The following CUX2 variants were observed in gnomAD, a reference collection of about 807,000 sequenced individuals.
CUX2 encodes the protein cut like homeobox 2, also known as homeobox protein cut-like 2.
In CUX2, 40 loss-of-function variants were observed where a neutral mutation model predicts 144.8. The observed-to-expected ratio is 0.28, with a 90% CI of 0.21 to 0.36. The LOEUF (loss-of-function observed/expected upper bound fraction) is 0.36. CUX2 is among the 10% of genes least tolerant of loss of function. The pLI is 1.00. For synonymous variants in CUX2, 827 were observed against 875.6 expected (o/e 0.94, Z 0.98); for missense variants, 1,615 against 1,994.0 (o/e 0.81, Z 3.62).
chr12:111,081,139 T>G (rs1464317348), intron 1 of CUX2, among the ~76,000 whole-genome samples: 1 of 152,170 alleles, frequency 6.6e-6, no homozygotes, highest in East Asian at 1.9e-4. Flanking sequence ...CGTTTCCGAT[T>G]GACTGCTGCA....
At chr12:111,161,958 A>C (rs556752142) in intron 1 of CUX2, among the ~76,000 whole-genome samples, 3 of 152,004 alleles carry the variant, frequency 2.0e-5, no homozygotes. Context: ...GTGGTCTCGA[A>C]CTCCTGGGCT....
chr12:111,115,279 C>CTTTTTTT (rs869307048), intron 1 of CUX2, among the ~76,000 whole-genome samples: 22 of 88,752 alleles, frequency 2.5e-4, no homozygotes, highest in East Asian at 7.4e-4. Flanking sequence ...AATAAAATTT[C>CTTTTTTT]TTTTTTTTTT....
At chr12:111,110,252 C>A (rs1415455014) in intron 1 of CUX2, among the ~76,000 whole-genome samples, 1 of 152,054 alleles carries the variant, frequency 6.6e-6, no homozygotes, top group East Asian at 1.9e-4. Flanking sequence ...CCATCCATCC[C>A]CAGTTGGATG....
intron 18 of CUX2, among the ~76,000 whole-genome samples, chr12:111,330,321 T>C (rs1219236617): frequency 6.6e-6 from 1 of 152,168 alleles, no homozygotes; most frequent in Admixed American, 6.5e-5. Context: ...GGGACTCACC[T>C]GTGACTAACT....
intron 3 of CUX2, among the ~76,000 whole-genome samples, chr12:111,243,064 T>C (rs1467551981): frequency 6.6e-6 from 1 of 152,198 alleles, no homozygotes; most frequent in African/African-American, 2.4e-5. Context: ...TAGTATTCCA[T>C]GGTGTATATG....
intron 18 of CUX2, among the ~76,000 whole-genome samples, chr12:111,323,466 T>C (rs940776812): frequency 1.3e-5 from 2 of 152,176 alleles, no homozygotes; most frequent in African/African-American, 4.8e-5. Context: ...CTGGTGTAGC[T>C]GTATGGCTGC....
intron 1 of CUX2, among the ~76,000 whole-genome samples, chr12:111,203,406 G>A (rs572748343): frequency 4.6e-5 from 7 of 151,928 alleles, no homozygotes; most frequent in Non-Finnish European, 7.4e-5. Flanking sequence ...TTAGTTGCAC[G>A]TGGTGGAGCA....
intron 1 of CUX2, among the ~76,000 whole-genome samples, chr12:111,111,851 T>TA (rs10558854): frequency 0.012 from 1,717 of 148,906 alleles, 24 homozygotes; most frequent in African/African-American, 0.039. Context: ...AATTTGCCTT[T>TA]AAAAAAAAAA....
intron 1 of CUX2, among the ~76,000 whole-genome samples, chr12:111,097,936 A>C (rs1042614659): frequency 2.6e-5 from 4 of 152,170 alleles, no homozygotes; most frequent in Non-Finnish European, 5.9e-5. Context: ...AGGCCACCAC[A>C]TGGAGTTTGG....
Position 111,348,566 on chromosome 12 carries a change from G to T in CUX2, c.*241G>T. 2 of 454,864 alleles carry T rather than the reference G, an allele frequency of 4.4e-6. No homozygotes were observed. Among genetic ancestry groups the T allele is most frequent in the South Asian group, 5.0e-5 (1 of 20,068 alleles). The allele number at this position is 454,864 out of a possible 1,614,324, so 28.2% of individuals were successfully genotyped here. On this transcript the variant is annotated 3_prime_UTR_variant, in exon 22 of 22. Coordinates refer to ENST00000261726, the MANE Select transcript of CUX2 (RefSeq NM_015267.4). ...TGCTCCTCTTCACCCTGACCCCTCTGCAGGAGGCAGAAGCAAAATGGCACC... is the reference window on the plus strand; with the variant it reads ...TGCTCCTCTTCACCCTGACCCCTCTTCAGGAGGCAGAAGCAAAATGGCACC...
chr12:111,332,404 A>G (rs1289205798), intron 18 of CUX2, among the ~76,000 whole-genome samples: 1 of 151,988 alleles, frequency 6.6e-6, no homozygotes, highest in African/African-American at 2.4e-5. Flanking sequence ...AATTGCTGGG[A>G]TTATGGGCAT....
intron 1 of CUX2, among the ~76,000 whole-genome samples, chr12:111,153,527 A>G (rs1332393201): frequency 6.6e-6 from 1 of 152,194 alleles, no homozygotes; most frequent in Non-Finnish European, 1.5e-5. Context: ...ACTTGTGGTA[A>G]GGATTTGAGT....
intron 3 of CUX2, among the ~76,000 whole-genome samples, chr12:111,235,772 C>T (rs575607351): frequency 1.3e-5 from 2 of 150,202 alleles, no homozygotes; most frequent in Non-Finnish European, 3.0e-5. Context: ...CCTGGGACAG[C>T]GACAGAGGAG....
intron 1 of CUX2, among the ~76,000 whole-genome samples, chr12:111,192,347 C>G (rs1483743650): frequency 1.3e-5 from 2 of 152,032 alleles, no homozygotes; most frequent in African/African-American, 4.8e-5. Context: ...CCAGGCTGGT[C>G]TCGAACTCCT....
At chr12:111,239,316 A>G (rs1298728398) in intron 3 of CUX2, among the ~76,000 whole-genome samples, 1 of 152,244 alleles carries the variant, frequency 6.6e-6, no homozygotes, top group Non-Finnish European at 1.5e-5. Flanking sequence ...TCAGAGGCCA[A>G]GCTGACATTA....
chr12:111,170,845 G>C (rs964995776), intron 1 of CUX2, among the ~76,000 whole-genome samples: 3 of 152,068 alleles, frequency 2.0e-5, no homozygotes, highest in African/African-American at 7.2e-5. Context: ...CCCTGACCTC[G>C]GGCCCAGCGT....
intron 1 of CUX2, among the ~76,000 whole-genome samples, chr12:111,064,169 T>C (rs1402315030): frequency 6.6e-6 from 1 of 152,158 alleles, no homozygotes; most frequent in Non-Finnish European, 1.5e-5. Context: ...TCCAAGCTTG[T>C]AGAGACAAAT....
At position 111,312,339 on chromosome 12, in the gene CUX2, T is replaced by C; in HGVS notation, c.2002+138T>C. ...CCACCAGAGGCCAGAGGGACCTGTC[T>C]AGAGCGCATGGGTAGCTGTGGCACT... On this transcript the variant is annotated intron_variant, in intron 16 of 21. Coordinates refer to ENST00000261726, the MANE Select transcript of CUX2 (RefSeq NM_015267.4). The surrounding 1 kb of genome is among the most constrained non-coding windows in gnomAD (Gnocchi z 4.3). 1.5e-6 allele frequency: 1 copy of C among 656,654 alleles called. No individual in the cohort carries two copies. Among genetic ancestry groups the C allele is most frequent in the Non-Finnish European group, 2.6e-6 (1 of 385,188 alleles). The allele number at this position is 656,654 out of a possible 1,614,324, so 40.7% of individuals were successfully genotyped here.
intron 1 of CUX2, among the ~76,000 whole-genome samples, chr12:111,115,892 T>C: frequency 6.6e-6 from 1 of 152,206 alleles, no homozygotes; most frequent in East Asian, 1.9e-4. Context: ...CAGTAAGTTG[T>C]CAATGAAGAT....
Sources: gnomAD v4.1 joint callset for allele counts (sites outside exome capture counted in the v4.1 genomes callset) on GRCh38, gnomAD v4.1.1 for gene constraint, Gnocchi (gnomAD v3.1) non-coding constraint, MANE v1.5 for transcripts, NCBI Gene and HGNC (gene_info 2026-07-23, HGNC 2026-07-21) for gene names.